The following ZFHX3 variants were observed in gnomAD, a reference collection of about 807,000 sequenced individuals.
ZFHX3 encodes zinc finger homeobox 3, also known as zinc finger homeobox protein 3.
A neutral mutation model predicts 279.1 loss-of-function variants in ZFHX3; 42 were observed. The observed-to-expected ratio is 0.15, with a 90% CI of 0.12 to 0.19. ZFHX3 has a LOEUF of 0.19. ZFHX3 is among the 10% of genes least tolerant of loss of function. The pLI is 1.00. For missense variants in ZFHX3, 4,981 were observed against 4,754.0 expected, an observed-to-expected ratio of 1.05 and a Z score of -1.40; for synonymous variants, 2,293 against 1,957.8, an observed-to-expected ratio of 1.17 and a Z score of -4.52.
chr16:73,714,743 T>C (rs2053398211), intron 1 of ZFHX3, among the ~76,000 whole-genome samples: 1 of 152,216 alleles, frequency 6.6e-6, no homozygotes, highest in Non-Finnish European at 1.5e-5. Context: ...TTTTCCAAAA[T>C]ATCCACTTCC....
chr16:73,524,722 C>G (rs1056838123), intron 2 of ZFHX3, among the ~76,000 whole-genome samples: 1 of 152,182 alleles, frequency 6.6e-6, no homozygotes, highest in African/African-American at 2.4e-5. Flanking sequence ...AAAGAGCAAA[C>G]CTCTAGATGC....
intron 5 of ZFHX3, among the ~76,000 whole-genome samples, chr16:73,183,856 C>T (rs1450760164): frequency 6.6e-6 from 1 of 151,908 alleles, no homozygotes. Flanking sequence ...CGTGGGGGCG[C>T]TCTGATCTCG....
chr16:73,810,442 T>G (rs1267879143), intron 1 of ZFHX3, among the ~76,000 whole-genome samples: 1 of 152,236 alleles, frequency 6.6e-6, no homozygotes, highest in African/African-American at 2.4e-5. Flanking sequence ...CTCTAAGGGT[T>G]CTTAAATCTA....
chr16:73,510,782 C>T (rs1054591920), intron 2 of ZFHX3, among the ~76,000 whole-genome samples: 4 of 152,218 alleles, frequency 2.6e-5, no homozygotes, highest in African/African-American at 9.7e-5. Context: ...GGAAGAAACT[C>T]AGTGTTCCAT....
At chr16:72,891,451 G>A (rs1188621814) in intron 3 of ZFHX3, among the ~76,000 whole-genome samples, 2 of 152,152 alleles carry the variant, frequency 1.3e-5, no homozygotes, top group Non-Finnish European at 2.9e-5. Context: ...AGTCTCCTGG[G>A]AATGTAATGA....
chr16:72,797,682 T>C lies in ZFHX3; in HGVS notation c.5000A>G (p.Asn1667Ser), dbSNP rs758333424. 14 of 1,614,044 alleles carry C rather than the reference T, an allele frequency of 8.7e-6. No homozygotes were observed. Among genetic ancestry groups the C allele is most frequent in the East Asian group, 4.5e-5 (2 of 44,866 alleles). Residue 1667 changes from asparagine to serine, a missense_variant, in exon 9 of 10, where the codon AAT becomes AGT. This residue lies in a region of ZFHX3 where 1,751 missense variants were observed against 1,770.0 expected (regional missense o/e 0.99). Transcript: ENST00000268489. ...TSGSNTFTTS[N>S]PSSAGIAPSS... ...TGGAGCAATGCCAGCACTGCTTGGA[T>C]TGGAGGTGGTAAAGGTGTTACTGCC...
At chr16:73,226,587 G>A (rs79502524) in intron 5 of ZFHX3, among the ~76,000 whole-genome samples, 2,620 of 152,334 alleles carry the variant, frequency 0.017, 78 homozygotes, top group African/African-American at 0.061. Context: ...CCCAAAGACA[G>A]AGCGTGTATT....
chr16:72,837,184 T>A lies in ZFHX3; in HGVS notation c.3449-7325A>T, dbSNP rs1403379393. On this transcript the variant is annotated intron_variant, in intron 4 of 9. Transcript: ENST00000268489. ...GCGCCATTGCCTTCATCCTTTTCCA[T>A]TTTCTCACCCACTTAATCTCTCTGC... 2.6e-5 allele frequency among the ~76,000 whole-genome samples: 4 copies of A among 152,150 alleles called. No homozygotes were observed. The East Asian group carries it at 7.7e-4, about 29-fold the overall frequency.
chr16:73,255,853 C>T (rs1292891422), intron 5 of ZFHX3, among the ~76,000 whole-genome samples: 1 of 152,136 alleles, frequency 6.6e-6, no homozygotes, highest in East Asian at 1.9e-4. Context: ...TGATTCACAG[C>T]CCAGAGCTCT....
intron 2 of ZFHX3, among the ~76,000 whole-genome samples, chr16:73,544,611 T>C (rs2020078649): frequency 6.6e-6 from 1 of 152,088 alleles, no homozygotes; most frequent in Non-Finnish European, 1.5e-5. Flanking sequence ...CCTATCACTG[T>C]GCAAGGGGAT....
At chr16:73,415,469 T>C (rs1356184083) in intron 3 of ZFHX3, among the ~76,000 whole-genome samples, 1 of 152,246 alleles carries the variant, frequency 6.6e-6, no homozygotes, top group Admixed American at 6.5e-5. Flanking sequence ...ACACACACTA[T>C]GGATTCTTCA....
chr16:72,993,104 C>T (rs1176423403), intron 1 of ZFHX3, among the ~76,000 whole-genome samples: 2 of 152,228 alleles, frequency 1.3e-5, no homozygotes, highest in Non-Finnish European at 2.9e-5. Flanking sequence ...CCACTGCACC[C>T]CAGCCTGGGT....
intron 2 of ZFHX3, among the ~76,000 whole-genome samples, chr16:73,546,695 C>CTGT (rs2020116610): frequency 4.0e-5 from 3 of 74,742 alleles, no homozygotes; most frequent in East Asian, 2.8e-4. Context: ...GCTGCTGCTG[C>CTGT]TGCTGCTGCT....
chr16:73,095,057 T>C (rs1205297084), intron 7 of ZFHX3, among the ~76,000 whole-genome samples: 1 of 152,026 alleles, frequency 6.6e-6, no homozygotes. Context: ...TTAAAAATCC[T>C]GAAAACCAGC....
At chr16:73,578,282 A>G (rs1466444723) in intron 2 of ZFHX3, among the ~76,000 whole-genome samples, 1 of 152,176 alleles carries the variant, frequency 6.6e-6, no homozygotes, top group Non-Finnish European at 1.5e-5. Context: ...CACATTTAAA[A>G]GACTTATGGA....
At chr16:73,220,048 T>C (rs1487061377) in intron 5 of ZFHX3, among the ~76,000 whole-genome samples, 3 of 151,944 alleles carry the variant, frequency 2.0e-5, no homozygotes, top group Admixed American at 2.0e-4. Context: ...GTTGTGCCAT[T>C]GTACTCCAGC....
intron 3 of ZFHX3, among the ~76,000 whole-genome samples, chr16:73,349,809 C>T (rs1194171901): frequency 6.3e-5 from 9 of 142,444 alleles, no homozygotes; most frequent in Admixed American, 2.8e-4. Context: ...TCTTCCCTCC[C>T]TCCCTCCTTC....
intron 5 of ZFHX3, among the ~76,000 whole-genome samples, chr16:73,192,051 A>G (rs1397007680): frequency 1.3e-5 from 2 of 152,028 alleles, no homozygotes; most frequent in Non-Finnish European, 2.9e-5. Flanking sequence ...TTCACGCAAA[A>G]CTATTCAGGT....
At chr16:73,805,855 A>G in intron 1 of ZFHX3, among the ~76,000 whole-genome samples, 1 of 152,250 alleles carries the variant, frequency 6.6e-6, no homozygotes, top group Non-Finnish European at 1.5e-5. Flanking sequence ...TCAGGTGGTC[A>G]TAGAAGGCCT....
Sources: allele counts gnomAD v4.1 joint callset (sites outside exome capture counted in the v4.1 genomes callset), GRCh38; gene constraint gnomAD v4.1.1; regional missense constraint gnomAD v4.1.1; transcripts MANE v1.5; gene names NCBI Gene and HGNC (gene_info 2026-07-23, HGNC 2026-07-21).